EIF5B: variants seen among roughly 807,000 people sequenced by gnomAD.
EIF5B encodes the protein eukaryotic translation initiation factor 5B.
EIF5B carries 47 observed loss-of-function variants against 147.5 expected under a neutral mutation model. The ratio of observed to expected loss-of-function variants is 0.32; its 90% CI spans 0.25 to 0.41. The LOEUF (loss-of-function observed/expected upper bound fraction) is 0.41, where lower values mean the gene tolerates loss of function less well. EIF5B is among the 10% of genes least tolerant of loss of function. The pLI is 1.00. For synonymous variants in EIF5B, 455 were observed against 456.2 expected (o/e 1.00, Z 0.03); for missense variants, 1,064 against 1,413.2 (o/e 0.75, Z 3.96).
chr2:99,399,417 T>C lies in EIF5B; in HGVS notation c.*3T>C. 1 of 1,613,512 alleles carries C rather than the reference T, an allele frequency of 6.2e-7. No homozygotes were observed. The highest frequency in any genetic ancestry group is 8.5e-7 in the Non-Finnish European group (1 of 1,179,520). On this transcript the variant is annotated 3_prime_UTR_variant, in exon 24 of 24. Transcript: ENST00000289371. ...AGAAAGTATTTGAAATCATCTAATTTTTTCACATGGAGCAGGAACTGGAGT... is the reference window on the plus strand; with the variant it reads ...AGAAAGTATTTGAAATCATCTAATTCTTTCACATGGAGCAGGAACTGGAGT...
intron 1 of EIF5B, among the ~76,000 whole-genome samples, chr2:99,340,400 T>A (rs922822660): frequency 6.6e-6 from 1 of 152,142 alleles, no homozygotes; most frequent in Non-Finnish European, 1.5e-5. Context: ...TGGGTGAAGG[T>A]CCACACTTTA....
chr2:99,383,532 G>T (rs1674735037), intron 14 of EIF5B, among the ~76,000 whole-genome samples: 1 of 152,196 alleles, frequency 6.6e-6, no homozygotes, highest in African/African-American at 2.4e-5. Context: ...CTAATCTAAA[G>T]CAAGGCCCTC....
Position 99,401,257 on chromosome 2 carries a change from G to A in EIF5B, c.*1843G>A, listed in dbSNP as rs1675356358. On this transcript the variant is annotated 3_prime_UTR_variant, in exon 24 of 24. Transcript: ENST00000289371. ...TGGTAATATTTATGTAACTTTTAATGTGCTTCCATAAGTTTGTTGTAAAAC... is the reference window on the plus strand; with the variant it reads ...TGGTAATATTTATGTAACTTTTAATATGCTTCCATAAGTTTGTTGTAAAAC... 1 of 1,605,520 alleles carries A rather than the reference G, an allele frequency of 6.2e-7. No individual in the cohort carries two copies. Among genetic ancestry groups the A allele is most frequent in the African/African-American group, 1.3e-5 (1 of 74,710 alleles).
At chr2:99,345,591 CAAA>C (rs34437423) in intron 1 of EIF5B, among the ~76,000 whole-genome samples, 1 of 33,160 alleles carries the variant, frequency 3.0e-5, no homozygotes. Flanking sequence ...GAGACTGTCT[CAAA>C]AAAAAAAAAA....
intron 13 of EIF5B, among the ~76,000 whole-genome samples, chr2:99,382,472 C>G (rs186735078): frequency 2.0e-5 from 3 of 152,180 alleles, no homozygotes; most frequent in African/African-American, 7.2e-5. Context: ...CATGCCAGGC[C>G]TATCTCCTGT....
At chr2:99,342,943 T>C (rs952541965) in intron 1 of EIF5B, among the ~76,000 whole-genome samples, 1 of 151,566 alleles carries the variant, frequency 6.6e-6, no homozygotes, top group Non-Finnish European at 1.5e-5. Flanking sequence ...CTGGGTTGTC[T>C]TTTTCTTTCT....
chr2:99,396,138 C>T (rs1433941737), intron 21 of EIF5B, among the ~76,000 whole-genome samples: 1 of 152,142 alleles, frequency 6.6e-6, no homozygotes, highest in Non-Finnish European at 1.5e-5. Flanking sequence ...GTGGAGCTTA[C>T]TAGTAAATAT....
chr2:99,376,699 C>T (rs1174300982), intron 10 of EIF5B, 63 bp downstream of exon 10: 9 of 1,512,574 alleles, frequency 6.0e-6, no homozygotes, highest in East Asian at 2.3e-5. Flanking sequence ...TAAAACAGTA[C>T]TCTACAACTA....
chr2:99,387,690 T>A (rs771592017), intron 14 of EIF5B, among the ~76,000 whole-genome samples: 2 of 152,200 alleles, frequency 1.3e-5, no homozygotes, highest in African/African-American at 4.8e-5. Context: ...CAAAAAGCCT[T>A]TTAGGATTTT....
chr2:99,390,198 T>C (rs1030130992), intron 15 of EIF5B, 21 bp from the exon 16 acceptor site: 3 of 1,613,056 alleles, frequency 1.9e-6, no homozygotes, highest in African/African-American at 2.7e-5. Context: ...GCCTGGCATT[T>C]TGGATGATTT....
At chr2:99,380,006 T>A (rs1170129692) in intron 12 of EIF5B, among the ~76,000 whole-genome samples, 1 of 152,180 alleles carries the variant, frequency 6.6e-6, no homozygotes, top group African/African-American at 2.4e-5. Flanking sequence ...TTTAAGATAA[T>A]CTCTACCTTT....
chr2:99,364,784 T>C (rs1674293601), intron 6 of EIF5B, among the ~76,000 whole-genome samples: 1 of 152,210 alleles, frequency 6.6e-6, no homozygotes, highest in Non-Finnish European at 1.5e-5. Context: ...TAGCATGTTT[T>C]AAAGTGAATC....
intron 1 of EIF5B, among the ~76,000 whole-genome samples, chr2:99,355,368 A>G (rs1356593747): frequency 6.6e-6 from 1 of 152,144 alleles, no homozygotes; most frequent in Admixed American, 6.5e-5. Context: ...TTAAACCTGT[A>G]TATCATTTTA....
intron 1 of EIF5B, among the ~76,000 whole-genome samples, chr2:99,355,831 T>A (rs1674085885): frequency 6.6e-6 from 1 of 152,156 alleles, no homozygotes. Context: ...CAGGCTGGTC[T>A]CGAACTTCTG....
At chr2:99,360,191 T>C (rs1674179024) in intron 1 of EIF5B, 45 bp from the exon 2 acceptor site, 1 of 1,551,438 alleles carries the variant, frequency 6.4e-7, no homozygotes, top group Non-Finnish European at 8.6e-7. Flanking sequence ...TGAATGATTA[T>C]TTTGCTTTTA....
rs1386473398 is a variant in EIF5B, at chr2:99,355,493, A to AC, written c.36-4743_36-4742insC. ...AAGCATTTTGTAATTTTCCACATAT[A>AC]AGTACTTTACATATTTTGTTAGATT... is the stretch of plus-strand genomic sequence containing the variant. On this transcript the variant is annotated intron_variant, in intron 1 of 23. Coordinates refer to ENST00000289371, the MANE Select transcript of EIF5B (RefSeq NM_015904.4). Among the ~76,000 whole-genome samples, 336 of 152,042 alleles carry AC rather than the reference A, an allele frequency of 2.2e-3. 10 individuals carry two copies. In the East Asian group the frequency reaches 0.058, roughly 26 times the overall value.
chr2:99,354,198 A>G (rs1674044070), intron 1 of EIF5B, among the ~76,000 whole-genome samples: 1 of 152,296 alleles, frequency 6.6e-6, no homozygotes, highest in Non-Finnish European at 1.5e-5. Flanking sequence ...AGTATTGGTT[A>G]TTATCACTAT....
intron 1 of EIF5B, among the ~76,000 whole-genome samples, chr2:99,342,645 G>A (rs2094262609): frequency 6.7e-6 from 1 of 148,382 alleles, no homozygotes; most frequent in Admixed American, 6.8e-5. Flanking sequence ...CTTCCTTTCT[G>A]TTGAGAGATG....
chr2:99,390,826 T>C, intron 17 of EIF5B, 121 bp downstream of exon 17: 1 of 1,077,030 alleles, frequency 9.3e-7, no homozygotes, highest in Non-Finnish European at 1.3e-6. Context: ...CATCCCTCGC[T>C]CTCCCTTTTA....
Sources: allele counts gnomAD v4.1 joint callset (sites outside exome capture counted in the v4.1 genomes callset), GRCh38; gene constraint gnomAD v4.1.1; transcripts MANE v1.5; gene names NCBI Gene and HGNC (gene_info 2026-07-23, HGNC 2026-07-21).